Variants in UBE4A observed in about 807,000 individuals in gnomAD.
UBE4A encodes the protein ubiquitination factor E4A, also known as ubiquitin conjugation factor E4 A.
A neutral mutation model predicts 117.9 loss-of-function variants in UBE4A; 48 were observed. The observed-to-expected ratio is 0.41, with a 90% confidence interval of 0.32 to 0.52. UBE4A has a LOEUF of 0.52. Ranked by LOEUF, UBE4A falls within the 20% of genes least tolerant of loss-of-function variation. The probability of loss-of-function intolerance (pLI) is 0.33; values close to 1 mark genes in which losing one functional copy is unlikely to be tolerated. For synonymous variants in UBE4A, 407 were observed against 450.0 expected (o/e 0.90, Z 1.21); for missense variants, 1,067 against 1,296.3 (o/e 0.82, Z 2.72).
rs782680616 is a variant in UBE4A, at chr11:118,386,623, G to A, written c.2587+11G>A. The A allele has an allele frequency of 9.2e-6, 14 of 1,529,284 alleles. No homozygotes were observed. Among genetic ancestry groups the A allele is most frequent in the Non-Finnish European group, 1.2e-5 (14 of 1,141,868 alleles). The allele number at this position is 1,529,284 out of a possible 1,614,324, so 94.7% of individuals were successfully genotyped here. The stretch of plus-strand genomic sequence containing the variant: ...CCTTTCTCACATCAGGTAAGGACAT[G>A]AAGTACTGCTTCCCCCCAAAAAAGT... On this transcript the variant is annotated intron_variant, in intron 16 of 19. Coordinates refer to ENST00000252108, the MANE Select transcript of UBE4A (RefSeq NM_001204077.2).
rs377551828 is a variant in UBE4A at position 118,396,546 on chromosome 11, TC to T, written c.*107del. 117 of 1,264,656 alleles carry T rather than the reference TC, an allele frequency of 9.3e-5. No individual in the cohort carries two copies. Among genetic ancestry groups the T allele is most frequent in the Admixed American group, 2.8e-4 (9 of 32,574 alleles). The allele number at this position is 1,264,656 out of a possible 1,614,324, so 78.3% of individuals were successfully genotyped here. On this transcript the variant is annotated 3_prime_UTR_variant, in exon 20 of 20. Coordinates refer to ENST00000252108, the MANE Select transcript of UBE4A (RefSeq NM_001204077.2). ...TTCCTTTTCTTTCTTCTTTTCTTTT[TC>T]TTTTTTTTTTTTTTTTTTACTAAAT...
At chr11:118,393,794 C>T (rs1420122692) in intron 19 of UBE4A, among the ~76,000 whole-genome samples, 1 of 152,098 alleles carries the variant, frequency 6.6e-6, no homozygotes, top group African/African-American at 2.4e-5. Flanking sequence ...TGAGGTTTCA[C>T]CATATTGGCC....
chr11:118,382,598 T>A lies in UBE4A; in HGVS notation c.2019T>A (p.Asn673Lys), dbSNP rs1555126497. 6.5e-7 allele frequency: 1 copy of A among 1,548,320 alleles called. No homozygotes were observed. Among genetic ancestry groups the A allele is most frequent in the East Asian group, 2.4e-5 (1 of 42,034 alleles). ...IFTGSIERMK[N>K]PHLRAKLAEV... ...TTTGCCCATTTTGCAGAATGAAGAA[T>A]CCCCACCTGAGGGCCAAACTAGCAG... Residue 673 changes from asparagine (N) to lysine (K), a missense_variant, in exon 13 of 20, where the codon AAT (asparagine) becomes AAA (lysine). Physicochemically the swap from Asn to Lys is moderately conservative, Grantham distance 94. Coordinates refer to ENST00000252108, the MANE Select transcript of UBE4A (RefSeq NM_001204077.2).
rs1370863334 is a variant in UBE4A, at chr11:118,391,521, G to A, written c.2916+717G>A. Among the ~76,000 whole-genome samples the A allele has an allele frequency of 2.7e-5, 4 of 150,464 alleles. No individual in the cohort carries two copies. In the South Asian group the frequency reaches 8.4e-4, roughly 32 times the overall value. ...GAAAAAAGAAATTTAAGGGCCAGGC[G>A]CGGTGGCTCACGCCTGTAATCCTAG... On this transcript the variant is annotated intron_variant, in intron 18 of 19. Transcript: ENST00000252108.
At chr11:118,370,412 C>T (rs964562504) in intron 4 of UBE4A, among the ~76,000 whole-genome samples, 2 of 152,000 alleles carry the variant, frequency 1.3e-5, no homozygotes, top group African/African-American at 2.4e-5. Context: ...GATCTCCAGG[C>T]CAGGAGTTAC....
At chr11:118,387,556 T>C (rs1404857398) in intron 16 of UBE4A, among the ~76,000 whole-genome samples, 1 of 152,054 alleles carries the variant, frequency 6.6e-6, no homozygotes, top group African/African-American at 2.4e-5. Flanking sequence ...TTATCAAAGA[T>C]ACCAAAAAAT....
chr11:118,388,462 A>G (rs1948780180), intron 16 of UBE4A, among the ~76,000 whole-genome samples: 1 of 152,060 alleles, frequency 6.6e-6, no homozygotes. Flanking sequence ...CAGCCTGGCC[A>G]ACATAGTGAA....
chr11:118,381,542 G>C lies in UBE4A; in HGVS notation c.2009+19G>C. 1 of 1,612,858 alleles carries C rather than the reference G, an allele frequency of 6.2e-7. No individual in the cohort carries two copies. Among genetic ancestry groups the C allele is most frequent in the Non-Finnish European group, 8.5e-7 (1 of 1,179,378 alleles). On this transcript the variant is annotated intron_variant, in intron 12 of 19. Coordinates refer to ENST00000252108, the MANE Select transcript of UBE4A (RefSeq NM_001204077.2). ...TAGAAAGGTGAAGTGCTGAAAGCTTGGTTCTGTCACTGTTTAGGCTGTAAA... is the reference window on the plus strand; with the variant it reads ...TAGAAAGGTGAAGTGCTGAAAGCTTCGTTCTGTCACTGTTTAGGCTGTAAA...
chr11:118,394,892 A>C (rs1400675981), intron 19 of UBE4A, among the ~76,000 whole-genome samples: 1 of 152,044 alleles, frequency 6.6e-6, no homozygotes, highest in Non-Finnish European at 1.5e-5. Flanking sequence ...GCTTGAGCAC[A>C]GGAATTCAAG....
rs981786633 is a variant in UBE4A at position 118,386,556 on chromosome 11, G to A, written c.2531G>A (p.Arg844His). The change falls in exon 16 of 20, where the codon CGT becomes CAT. Residue 844 changes from arginine to histidine, a missense_variant. By Grantham distance (29) the Arg-to-His change is conservative (BLOSUM62 0). Coordinates refer to ENST00000252108, the MANE Select transcript of UBE4A (RefSeq NM_001204077.2). Reference protein sequence around the residue: ...AGLQMFGQLARFHNIMSNETI... With the variant: ...AGLQMFGQLAHFHNIMSNETI... ...CTACAGATGTTTGGACAGCTGGCAC[G>A]TTTCCATAACATCATGTCCAATGAA... 6 of 1,601,502 alleles carry A rather than the reference G, an allele frequency of 3.7e-6. No individual in the cohort carries two copies. The highest frequency in any genetic ancestry group is 2.3e-5 in the East Asian group (1 of 43,696).
At position 118,375,078 on chromosome 11, in the gene UBE4A, T is replaced by A; in HGVS notation, c.1299T>A (p.Ala433=). Residue 433 remains alanine, a synonymous_variant, in exon 9 of 20, where the codon GCT becomes GCA. Coordinates refer to ENST00000252108, the MANE Select transcript of UBE4A (RefSeq NM_001204077.2). ...TTTTCCAAATGTATGCCTCAGATGC[T>A]TTCTTTCTGAATCTGGGTGCTGCTC... ...EIFFQMYASD[A]FFLNLGAALL... 3.1e-6 allele frequency: 5 copies of A among 1,614,232 alleles called. No homozygotes were observed. The highest frequency in any genetic ancestry group is 4.2e-6 in the Non-Finnish European group (5 of 1,180,042).
rs1948622959 is a variant in UBE4A, at chr11:118,373,160, C to G, written c.796C>G (p.Pro266Ala). Reference sequence around the variant, plus strand: ...ATTGGATGAGGAAGTTAGAACATTTCCAGAAGTCATGATTCCAGTGTTTGA... The same window carrying G: ...ATTGGATGAGGAAGTTAGAACATTTGCAGAAGTCATGATTCCAGTGTTTGA... ...LILDEEVRTF[P>A]EVMIPVFDIL... Residue 266 changes from proline to alanine, a missense_variant, in exon 7 of 20, where the codon CCA becomes GCA. By Grantham distance (27) the Pro-to-Ala change is conservative. Around this residue, in one of 3 missense-constraint regions of UBE4A, gnomAD observed 1,001 missense variants for 1,184.0 expected, o/e 0.85. Transcript: ENST00000252108. The G allele has an allele frequency of 6.2e-7, 1 of 1,613,872 alleles. No homozygotes were observed. Among genetic ancestry groups the G allele is most frequent in the South Asian group, 1.1e-5 (1 of 91,066 alleles).
At chr11:118,392,944 T>G in intron 19 of UBE4A, 49 bp downstream of exon 19, 1 of 1,572,732 alleles carries the variant, frequency 6.4e-7, no homozygotes, top group African/African-American at 1.4e-5. Flanking sequence ...TATATTAGTT[T>G]GCTATCTTTT....
In UBE4A at chr11:118,369,563, C is replaced by T. The variant is rs1200316748; in HGVS notation, c.408+28C>T. ...AATATTCTTACGTTCCTAATGTGTG[C>T]CCTTAGCAAAAATTAGCTATGCGGC... On this transcript the variant is annotated intron_variant, in intron 4 of 19. Transcript: ENST00000252108. 3.2e-6 allele frequency: 5 copies of T among 1,575,814 alleles called. No individual in the cohort carries two copies. In the African/African-American group the frequency reaches 4.1e-5, roughly 13 times the overall value.
chr11:118,367,542 A>G (rs1184858275), intron 2 of UBE4A, among the ~76,000 whole-genome samples: 1 of 137,178 alleles, frequency 7.3e-6, no homozygotes, highest in African/African-American at 2.8e-5. Flanking sequence ...TTTTTTTGAG[A>G]CGAAGTCTTG....
At chr11:118,361,808 G>A (rs1948523101) in intron 1 of UBE4A, among the ~76,000 whole-genome samples, 1 of 152,108 alleles carries the variant, frequency 6.6e-6, no homozygotes, top group Non-Finnish European at 1.5e-5. Context: ...TTGATTACAA[G>A]GAGTTCAGAA....
chr11:118,369,276 G>C, intron 3 of UBE4A, 147 bp from the exon 4 acceptor site: 1 of 617,656 alleles, frequency 1.6e-6, no homozygotes, highest in Non-Finnish European at 2.9e-6. Context: ...AAAAAGATTT[G>C]AATCTTTAGA....
chr11:118,377,405 C>T lies in UBE4A; in HGVS notation c.1571+711C>T, dbSNP rs555188968. ...TATTTTTTTAGTAGAGATGGGGTTTCGCTGTGTTGGCCAGGCTGGTCTCGA... is the reference window on the plus strand; with the variant it reads ...TATTTTTTTAGTAGAGATGGGGTTTTGCTGTGTTGGCCAGGCTGGTCTCGA... On this transcript the variant is annotated intron_variant, in intron 10 of 19. Coordinates refer to ENST00000252108, the MANE Select transcript of UBE4A (RefSeq NM_001204077.2). Among the ~76,000 whole-genome samples, 128 of 151,914 alleles carry T rather than the reference C, an allele frequency of 8.4e-4. 4 individuals are homozygous for T. In the South Asian group the frequency reaches 0.023, roughly 27 times the overall value.
chr11:118,386,925 C>G (rs1264441430), intron 16 of UBE4A, among the ~76,000 whole-genome samples: 1 of 152,122 alleles, frequency 6.6e-6, no homozygotes. Context: ...GTTTGTTAAT[C>G]TGAGAAATAC....
Sources: allele counts gnomAD v4.1 joint callset (sites outside exome capture counted in the v4.1 genomes callset), GRCh38; gene constraint gnomAD v4.1.1; regional missense constraint gnomAD v4.1.1; transcripts MANE v1.5; gene names NCBI Gene and HGNC (gene_info 2026-07-23, HGNC 2026-07-21).